Variants in SYNM observed in about 807,000 individuals in gnomAD.
SYNM encodes synemin.
In SYNM, 95 loss-of-function variants were observed where a neutral mutation model predicts 104.0. The ratio of observed to expected loss-of-function variants is 0.91; its 90% CI spans 0.77 to 1.08. The LOEUF is 1.08. Ranked by LOEUF, SYNM falls within the 50% of genes least tolerant of loss-of-function variation. The probability of loss-of-function intolerance (pLI) is 0.00; values close to 1 mark genes in which losing one functional copy is unlikely to be tolerated. For missense variants in SYNM, 2,150 were observed against 2,052.2 expected, an observed-to-expected ratio of 1.05 and a Z score of -0.92; for synonymous variants, 918 against 869.0, an observed-to-expected ratio of 1.06 and a Z score of -0.99.
chr15:99,140,456 A>G (rs1481380242), downstream of SYNM: 5 of 151,786 alleles, frequency 3.3e-5, no homozygotes, highest in Admixed American at 2.0e-4. Context: ...TGCAACCTCC[A>G]CCTCCTGGGT....
intron 3 of SYNM, 117 bp from the exon 4 acceptor site, chr15:99,129,250 G>T: frequency 7.2e-7 from 1 of 1,391,580 alleles, no homozygotes; most frequent in Non-Finnish European, 9.6e-7. Context: ...TGAGCTTTCT[G>T]TGGTAACAGT....
intron 2 of SYNM, among the ~76,000 whole-genome samples, chr15:99,120,077 T>C (rs1321340273): frequency 2.6e-5 from 4 of 152,206 alleles, no homozygotes; most frequent in Non-Finnish European, 4.4e-5. Flanking sequence ...TTTTTTTCCA[T>C]GTGATGACAC....
intron 1 of SYNM, among the ~76,000 whole-genome samples, chr15:99,106,660 G>A (rs1383650185): frequency 6.6e-6 from 1 of 152,182 alleles, no homozygotes; most frequent in East Asian, 1.9e-4. Flanking sequence ...GGAAAGTGGG[G>A]CCCTTTGGCA....
chr15:99,111,413 A>C (rs2067298916), intron 1 of SYNM, among the ~76,000 whole-genome samples: 1 of 152,182 alleles, frequency 6.6e-6, no homozygotes, highest in Admixed American at 6.5e-5. Flanking sequence ...ATTCCCTCTA[A>C]AACAGGGGAA....
At position 99,105,769 on chromosome 15, in the gene SYNM, G is replaced by T; in HGVS notation, c.570G>T (p.Leu190=). The T allele has an allele frequency of 6.5e-7, 1 of 1,541,772 alleles. No individual in the cohort carries two copies. Among genetic ancestry groups the T allele is most frequent in the Non-Finnish European group, 8.7e-7 (1 of 1,144,904 alleles). ...AGGTGCACGACAGCTACGCACTGCT[G>T]GTGGCCGAGTCGTGGCGGGAGACGG... The part of the protein sequence containing the change: ...LREVHDSYAL[L]VAESWRETVQ... The change falls in exon 1 of 4, where the codon CTG becomes CTT. Residue 190 remains leucine, a synonymous_variant. Coordinates refer to ENST00000336292, the MANE Select transcript of SYNM (RefSeq NM_145728.3).
intron 2 of SYNM, among the ~76,000 whole-genome samples, chr15:99,124,300 C>T (rs1253190775): frequency 2.0e-4 from 31 of 152,202 alleles, no homozygotes; most frequent in African/African-American, 7.0e-4. Context: ...TCCTCAGAGT[C>T]TTGTTGATGC....
intron 2 of SYNM, among the ~76,000 whole-genome samples, chr15:99,114,204 C>G (rs552083527): frequency 3.3e-4 from 51 of 152,250 alleles, no homozygotes; most frequent in African/African-American, 1.2e-3. Flanking sequence ...CTGGGGAGGC[C>G]TCAGGAAACT....
At position 99,133,027 on chromosome 15, in the gene SYNM, A is replaced by G. The variant is rs1555486272; in HGVS notation, c.4667A>G (p.Glu1556Gly). The G allele has an allele frequency of 6.2e-7, 1 of 1,613,706 alleles. No individual in the cohort carries two copies. The highest frequency in any genetic ancestry group is 1.7e-5 in the Admixed American group (1 of 60,018). ...KKVALLYLDN[E>G]EEENDGHWF The stretch of plus-strand genomic sequence containing the variant: ...GTTGCCCTCCTCTATCTAGACAATG[A>G]GGAGGAGGAGAATGATGGGCATTGG... Residue 1556 changes from glutamate (E) to glycine (G), a missense_variant, in exon 4 of 4, where the codon GAG becomes GGG. By Grantham distance (98) the Glu-to-Gly change is moderately conservative (BLOSUM62 -2). Transcript: ENST00000336292.
chr15:99,105,923 C>G lies in SYNM; in HGVS notation c.724C>G (p.Leu242Val). 1 of 1,532,030 alleles carries G rather than the reference C, an allele frequency of 6.5e-7. No individual in the cohort carries two copies. Among genetic ancestry groups the G allele is most frequent in the Non-Finnish European group, 8.7e-7 (1 of 1,144,448 alleles). 94.9% of individuals were successfully genotyped at this position (1,532,030 alleles called of 1,614,324 possible). A position where few individuals can be genotyped will look rare whatever the true frequency, so the allele number is the denominator to read the frequency against. The change falls in exon 1 of 4, where the codon CTC becomes GTC. Residue 242 changes from leucine to valine, a missense_variant. By Grantham distance (32) the Leu-to-Val change is conservative (BLOSUM62 1). Transcript: ENST00000336292. ...QEAEALRREA[L>V]GLEQLRARLE... ...GGCAGAGGCGCTGCGGCGCGAGGCG[C>G]TCGGGTTGGAGCAGCTGCGCGCGCG...
intron 1 of SYNM, 112 bp downstream of exon 1, chr15:99,106,121 C>A: frequency 8.7e-7 from 1 of 1,155,206 alleles, no homozygotes; most frequent in Non-Finnish European, 1.1e-6. Flanking sequence ...GCGTCGCGGA[C>A]CGGTAGGGCC....
the SYNM span, chr15:99,141,180 TAATG>T: frequency 6.6e-6 from 1 of 152,178 alleles, no homozygotes; most frequent in Non-Finnish European, 1.5e-5. Flanking sequence ...CAATATTTAG[TAATG>T]AATATGTAAA....
chr15:99,137,235 T>C (rs1211509124), downstream of SYNM: 1 of 152,278 alleles, frequency 6.6e-6, no homozygotes, highest in Non-Finnish European at 1.5e-5. Context: ...TCCAGGGGGC[T>C]GAAGACTGCT....
chr15:99,130,925 C>T lies in SYNM; in HGVS notation c.2565C>T (p.Ile855=), dbSNP rs200012774. 89 of 1,613,602 alleles carry T rather than the reference C, an allele frequency of 5.5e-5. No individual in the cohort carries two copies. In the Middle Eastern group the frequency reaches 8.2e-4, roughly 15 times the overall value. The part of the protein sequence containing the change: ...DDGSVYGQIH[I]EEESTIRYSW... ...GCTCGGTGTACGGGCAGATCCACATCGAGGAGGAATCCACCATCAGGTACT... is the reference window on the plus strand; with the variant it reads ...GCTCGGTGTACGGGCAGATCCACATTGAGGAGGAATCCACCATCAGGTACT... Residue 855 remains isoleucine (I), a synonymous_variant, in exon 4 of 4, where the codon ATC becomes ATT. Coordinates refer to ENST00000336292, the MANE Select transcript of SYNM (RefSeq NM_145728.3).
intron 1 of SYNM, among the ~76,000 whole-genome samples, chr15:99,111,029 T>C (rs1465565867): frequency 1.3e-5 from 2 of 152,228 alleles, no homozygotes; most frequent in Non-Finnish European, 2.9e-5. Flanking sequence ...TTTGACAATT[T>C]AGGAGGAGCT....
chr15:99,107,438 C>G (rs1024447544), intron 1 of SYNM, among the ~76,000 whole-genome samples: 30 of 152,178 alleles, frequency 2.0e-4, no homozygotes, highest in African/African-American at 6.0e-4. Context: ...AACCTACTGC[C>G]CAGGGAACCC....
intron 2 of SYNM, among the ~76,000 whole-genome samples, chr15:99,122,273 T>G (rs1485270433): frequency 6.6e-6 from 1 of 152,266 alleles, no homozygotes; most frequent in Admixed American, 6.5e-5. Context: ...AGACTGCTAA[T>G]GTAGCAACAC....
intron 2 of SYNM, among the ~76,000 whole-genome samples, chr15:99,118,325 T>A (rs2067369291): frequency 6.6e-6 from 1 of 152,240 alleles, no homozygotes; most frequent in Non-Finnish European, 1.5e-5. Flanking sequence ...AAGTTCCTGT[T>A]TGTGTTCGTG....
downstream of SYNM, chr15:99,137,808 A>G (rs1236257760): frequency 3.9e-6 from 3 of 770,740 alleles, no homozygotes; most frequent in Admixed American, 3.0e-5. Context: ...GCTTTATAGC[A>G]TATATCACCC....
At chr15:99,136,566 T>C (rs1555486961), downstream of SYNM, 3 of 152,112 alleles carry the variant, frequency 2.0e-5, no homozygotes, top group African/African-American at 7.2e-5. Context: ...CTCTCTGGTG[T>C]CTCTCCTTAT....
Sources: allele counts gnomAD v4.1 joint callset (sites outside exome capture counted in the v4.1 genomes callset), GRCh38; gene constraint gnomAD v4.1.1; transcripts MANE v1.5; gene names NCBI Gene and HGNC (gene_info 2026-07-23, HGNC 2026-07-21).